PTPRT: variants seen among roughly 807,000 people sequenced by gnomAD.
The protein encoded by PTPRT is receptor-type tyrosine-protein phosphatase T.
PTPRT carries 56 observed loss-of-function variants against 176.8 expected under a neutral mutation model. The observed-to-expected ratio is 0.32, with a 90% confidence interval of 0.26 to 0.40. PTPRT has a LOEUF of 0.40. Ranked by LOEUF, PTPRT falls within the 10% of genes least tolerant of loss-of-function variation. PTPRT has a pLI of 1.00. For missense variants in PTPRT, 1,540 were observed against 1,908.2 expected (o/e 0.81, Z 3.60); for synonymous variants, 783 against 739.0 (o/e 1.06, Z -0.96).
At chr20:42,533,318 C>T (rs181617208) in intron 7 of PTPRT, among the ~76,000 whole-genome samples, 291 of 152,286 alleles carry the variant, frequency 1.9e-3, no homozygotes, top group Non-Finnish European at 2.0e-3. Flanking sequence ...TAATCAAATG[C>T]GGGTGTGCCG....
At chr20:42,788,308 A>G (rs902774976) in intron 3 of PTPRT, among the ~76,000 whole-genome samples, 3 of 152,080 alleles carry the variant, frequency 2.0e-5, no homozygotes, top group African/African-American at 7.2e-5. Flanking sequence ...GCAGGATGCA[A>G]AATGACTGAC....
chr20:42,276,558 T>TATATATA (rs1568731969), intron 13 of PTPRT, among the ~76,000 whole-genome samples: 15 of 91,310 alleles, frequency 1.6e-4, no homozygotes, highest in Non-Finnish European at 2.8e-4. Context: ...TATATATATA[T>TATATATA]AATGTTCTTG....
intron 5 of PTPRT, among the ~76,000 whole-genome samples, chr20:42,763,800 G>T (rs1178535563): frequency 6.6e-6 from 1 of 152,162 alleles, no homozygotes; most frequent in Admixed American, 6.5e-5. Flanking sequence ...GATTAGCTGT[G>T]CTGAAACCCT....
At chr20:43,034,073 G>A (rs184037821) in intron 1 of PTPRT, among the ~76,000 whole-genome samples, 75 of 152,276 alleles carry the variant, frequency 4.9e-4, no homozygotes, top group African/African-American at 1.8e-3. Context: ...GTCTGGGTCC[G>A]GGGGCCTCTG....
rs115622112 is a variant in PTPRT, at chr20:42,373,516, C to T, written c.1561-21231G>A. 5.8e-3 allele frequency among the ~76,000 whole-genome samples: 876 copies of T among 152,282 alleles called. 11 individuals carry two copies. Among genetic ancestry groups the T allele is most frequent in the African/African-American group, 0.02 (829 of 41,556 alleles). ...TCACATCCCCAAATGACCTGTCTCCCGCATGGATGCATCTAACAGCCTTTG... is the reference window on the plus strand; with the variant it reads ...TCACATCCCCAAATGACCTGTCTCCTGCATGGATGCATCTAACAGCCTTTG... On this transcript the variant is annotated intron_variant, in intron 9 of 30. Coordinates refer to ENST00000373187, the MANE Select transcript of PTPRT (RefSeq NM_007050.6).
chr20:42,718,981 G>A (rs569154635), intron 6 of PTPRT, among the ~76,000 whole-genome samples: 1 of 152,334 alleles, frequency 6.6e-6, no homozygotes, highest in East Asian at 1.9e-4. Flanking sequence ...AAGTTGGTGG[G>A]TCTGTTTTAA....
At chr20:42,230,011 C>T (rs1325437791) in intron 15 of PTPRT, among the ~76,000 whole-genome samples, 1 of 152,152 alleles carries the variant, frequency 6.6e-6, no homozygotes, top group Non-Finnish European at 1.5e-5. Context: ...CCCTAATGAG[C>T]AAGCAACATC....
intron 6 of PTPRT, among the ~76,000 whole-genome samples, chr20:42,701,192 G>A (rs1048643998): frequency 6.6e-6 from 1 of 152,180 alleles, no homozygotes; most frequent in Non-Finnish European, 1.5e-5. Flanking sequence ...GGAAGGAAGA[G>A]AGTGGGGATA....
At chr20:42,267,447 T>A (rs2041630680) in intron 13 of PTPRT, among the ~76,000 whole-genome samples, 1 of 152,232 alleles carries the variant, frequency 6.6e-6, no homozygotes. Flanking sequence ...TAAAATTAGC[T>A]TCACCTGTTT....
At chr20:43,067,160 G>A (rs1053514838) in intron 1 of PTPRT, among the ~76,000 whole-genome samples, 1 of 152,164 alleles carries the variant, frequency 6.6e-6, no homozygotes, top group Non-Finnish European at 1.5e-5. Context: ...AGGAAGTACC[G>A]ACACATGCTA....
At chr20:42,795,356 G>A (rs554910218) in intron 2 of PTPRT, among the ~76,000 whole-genome samples, 205 of 152,220 alleles carry the variant, frequency 1.3e-3, no homozygotes, top group Non-Finnish European at 1.6e-3. Context: ...TAAGCGCCTC[G>A]TTATTGATGT....
chr20:42,250,331 C>T (rs1600728382), intron 13 of PTPRT, among the ~76,000 whole-genome samples: 1 of 152,190 alleles, frequency 6.6e-6, no homozygotes, highest in Non-Finnish European at 1.5e-5. Context: ...TCTGCCCACA[C>T]ACATTTGTTC....
chr20:42,805,836 T>A (rs1408787509), intron 2 of PTPRT, among the ~76,000 whole-genome samples: 1 of 151,718 alleles, frequency 6.6e-6, no homozygotes, highest in Admixed American at 6.6e-5. Context: ...ATTTATTGAG[T>A]CTCGACCTAT....
intron 1 of PTPRT, among the ~76,000 whole-genome samples, chr20:43,034,833 G>A (rs1986308360): frequency 6.6e-6 from 1 of 152,008 alleles, no homozygotes; most frequent in Non-Finnish European, 1.5e-5. Flanking sequence ...GGTTTTGTCT[G>A]TGCTTAGCTA....
At chr20:42,198,755 T>C (rs1991330981) in intron 16 of PTPRT, among the ~76,000 whole-genome samples, 1 of 152,146 alleles carries the variant, frequency 6.6e-6, no homozygotes, top group Non-Finnish European at 1.5e-5. Flanking sequence ...AATATGTAAC[T>C]CATCAGCCAT....
intron 6 of PTPRT, among the ~76,000 whole-genome samples, chr20:42,695,559 A>G (rs1185497007): frequency 1.3e-5 from 2 of 152,188 alleles, no homozygotes; most frequent in Non-Finnish European, 2.9e-5. Flanking sequence ...TAAAATAAGA[A>G]AATTAAAGAA....
intron 9 of PTPRT, among the ~76,000 whole-genome samples, chr20:42,390,269 T>C (rs1159043780): frequency 6.6e-6 from 1 of 152,222 alleles, no homozygotes; most frequent in African/African-American, 2.4e-5. Context: ...AATCAGTCAA[T>C]ACATTATGCT....
chr20:42,374,500 G>C (rs2058627897), intron 9 of PTPRT, among the ~76,000 whole-genome samples: 1 of 151,936 alleles, frequency 6.6e-6, no homozygotes, highest in African/African-American at 2.4e-5. Context: ...TAATATTAAA[G>C]GGAAACAACA....
At chr20:42,299,640 C>CATTTTT (rs1190505953) in intron 12 of PTPRT, among the ~76,000 whole-genome samples, 1 of 58,576 alleles carries the variant, frequency 1.7e-5, no homozygotes, top group African/African-American at 8.4e-5. Flanking sequence ...TGAACTTTTG[C>CATTTTT]CTTTTTTTTT....
Sources: allele counts gnomAD v4.1 joint callset (sites outside exome capture counted in the v4.1 genomes callset), GRCh38; gene constraint gnomAD v4.1.1; transcripts MANE v1.5; gene names NCBI Gene and HGNC (gene_info 2026-07-23, HGNC 2026-07-21).